The following ST6GALNAC3 variants were observed in gnomAD, a reference collection of about 807,000 sequenced individuals.
The protein encoded by ST6GALNAC3 is ST6 N-acetylgalactosaminide alpha-2,6-sialyltransferase 3.
ST6GALNAC3 carries 25 observed loss-of-function variants against 32.7 expected under a neutral mutation model. The observed-to-expected ratio is 0.76, with a 90% CI of 0.56 to 1.07. The LOEUF (loss-of-function observed/expected upper bound fraction) is 1.07. ST6GALNAC3 is among the 50% of genes least tolerant of loss of function. ST6GALNAC3 has a pLI of 0.00. For missense variants in ST6GALNAC3, 355 were observed against 382.4 expected (o/e 0.93, Z 0.60); for synonymous variants, 129 against 133.1 (o/e 0.97, Z 0.21).
intron 3 of ST6GALNAC3, among the ~76,000 whole-genome samples, chr1:76,563,531 T>C (rs1665370702): frequency 6.6e-6 from 1 of 152,232 alleles, no homozygotes; most frequent in Non-Finnish European, 1.5e-5. Context: ...AGCACCTTGA[T>C]GGCAAAGTCA....
intron 3 of ST6GALNAC3, among the ~76,000 whole-genome samples, chr1:76,507,337 GC>G (rs1256230828): frequency 1.3e-5 from 2 of 151,822 alleles, no homozygotes; most frequent in Non-Finnish European, 2.9e-5. Context: ...TAATTCAATG[GC>G]TTTTAGTATA....
At position 76,144,500 on chromosome 1, in the gene ST6GALNAC3, A is replaced by G. The variant is rs1313568987; in HGVS notation, c.18+69616A>G. On this transcript the variant is annotated intron_variant, in intron 1 of 4. Coordinates refer to ENST00000328299, the MANE Select transcript of ST6GALNAC3 (RefSeq NM_152996.4). Reference sequence around the variant, plus strand: ...GTTCACTCATTTGTTCAGTCATTCAACAAATATTTAAGTGCCTATCATGGA... The same window carrying G: ...GTTCACTCATTTGTTCAGTCATTCAGCAAATATTTAAGTGCCTATCATGGA... Among the ~76,000 whole-genome samples the G allele has an allele frequency of 2.0e-5, 3 of 152,178 alleles. No individual in the cohort carries two copies. The East Asian group carries it at 5.8e-4, about 29-fold the overall frequency.
At chr1:76,348,465 T>A (rs1251426190) in intron 2 of ST6GALNAC3, among the ~76,000 whole-genome samples, 2 of 152,288 alleles carry the variant, frequency 1.3e-5, no homozygotes, top group South Asian at 4.1e-4. Context: ...TCACTCTAAT[T>A]TAAGGTTTTC....
chr1:76,287,001 T>A (rs1430019286), intron 1 of ST6GALNAC3, among the ~76,000 whole-genome samples: 1 of 152,238 alleles, frequency 6.6e-6, no homozygotes. Context: ...TTCTTCAATC[T>A]TCTCTGAATT....
At chr1:76,101,654 G>T (rs1486257950) in intron 1 of ST6GALNAC3, among the ~76,000 whole-genome samples, 1 of 152,098 alleles carries the variant, frequency 6.6e-6, no homozygotes, top group East Asian at 1.9e-4. Context: ...TCTTGAAGTG[G>T]TTAGTAGATT....
chr1:76,138,515 G>A (rs1255956955), intron 1 of ST6GALNAC3, among the ~76,000 whole-genome samples: 2 of 152,146 alleles, frequency 1.3e-5, no homozygotes, highest in African/African-American at 2.4e-5. Flanking sequence ...CCTGACCCAT[G>A]GACCCTTGTA....
At chr1:76,102,235 TTGTGTGTG>T (rs60454163) in intron 1 of ST6GALNAC3, among the ~76,000 whole-genome samples, 38 of 147,500 alleles carry the variant, frequency 2.6e-4, no homozygotes, top group Admixed American at 1.1e-3. Flanking sequence ...CCTGGTGTGT[TTGTGTGTG>T]TGTGTGTGTG....
chr1:76,228,144 C>T (rs1006135681), intron 1 of ST6GALNAC3, among the ~76,000 whole-genome samples: 10 of 152,274 alleles, frequency 6.6e-5, no homozygotes, highest in African/African-American at 2.4e-4. Flanking sequence ...GATAAATTTT[C>T]CTATTGAAAT....
intron 3 of ST6GALNAC3, among the ~76,000 whole-genome samples, chr1:76,496,043 A>G (rs1297958207): frequency 3.3e-5 from 5 of 152,166 alleles, no homozygotes; most frequent in Non-Finnish European, 7.4e-5. Flanking sequence ...ATCACTTCCA[A>G]ATCAAAATTG....
intron 1 of ST6GALNAC3, among the ~76,000 whole-genome samples, chr1:76,131,410 C>T (rs753650151): frequency 1.7e-4 from 26 of 152,116 alleles, no homozygotes; most frequent in African/African-American, 4.1e-4. Flanking sequence ...TGAGGGAAGA[C>T]GGAAAAAGTG....
intron 3 of ST6GALNAC3, among the ~76,000 whole-genome samples, chr1:76,518,161 T>G (rs1662286606): frequency 6.6e-6 from 1 of 152,016 alleles, no homozygotes; most frequent in Non-Finnish European, 1.5e-5. Context: ...ACCTTATATT[T>G]TTGATGCATG....
rs1172980468 is a variant in ST6GALNAC3 at position 76,533,507 on chromosome 1, GTTCCCTA to G, written c.624-93942_624-93936del. 2.0e-5 allele frequency among the ~76,000 whole-genome samples: 3 copies of G among 152,080 alleles called. No homozygotes were observed. In the East Asian group the frequency reaches 5.8e-4, roughly 29 times the overall value. On this transcript the variant is annotated intron_variant, in intron 3 of 4. Coordinates refer to ENST00000328299, the MANE Select transcript of ST6GALNAC3 (RefSeq NM_152996.4). Reference sequence around the variant, plus strand: ...GCTCAGGAACCCCGCTTCAGTCCATGTTCCCTATTACTTCCACTCTGAGGCTTCTGCC... The same window carrying G: ...GCTCAGGAACCCCGCTTCAGTCCATGTTACTTCCACTCTGAGGCTTCTGCC...
Position 76,428,130 on chromosome 1 carries a change from C to T in ST6GALNAC3, c.623+15713C>T, listed in dbSNP as rs1217608986. 1.3e-5 allele frequency among the ~76,000 whole-genome samples: 2 copies of T among 152,056 alleles called. 1 individual carries two copies. The highest frequency in any genetic ancestry group is 3.9e-4 in the East Asian group (2 of 5,184). Reference sequence around the variant, plus strand: ...GCTATCCAATCACACTGCCCTTTTCCTTTGTTATAATAAATTTCTCCCACT... The same window carrying T: ...GCTATCCAATCACACTGCCCTTTTCTTTTGTTATAATAAATTTCTCCCACT... On this transcript the variant is annotated intron_variant, in intron 3 of 4. Coordinates refer to ENST00000328299, the MANE Select transcript of ST6GALNAC3 (RefSeq NM_152996.4).
chr1:76,529,741 G>A (rs1426072265), intron 3 of ST6GALNAC3, among the ~76,000 whole-genome samples: 3 of 152,144 alleles, frequency 2.0e-5, no homozygotes, highest in African/African-American at 7.2e-5. Flanking sequence ...TTGAGGGACA[G>A]CAATGAGTAT....
At chr1:76,176,661 G>A (rs1652876787) in intron 1 of ST6GALNAC3, among the ~76,000 whole-genome samples, 1 of 152,098 alleles carries the variant, frequency 6.6e-6, no homozygotes, top group African/African-American at 2.4e-5. Context: ...TACAAGCTGA[G>A]CTTAAATGAG....
intron 1 of ST6GALNAC3, among the ~76,000 whole-genome samples, chr1:76,299,732 T>A (rs534714598): frequency 9.2e-5 from 14 of 152,186 alleles, no homozygotes; most frequent in African/African-American, 3.1e-4. Flanking sequence ...ACTAACTTCA[T>A]ATATATATTT....
At chr1:76,317,440 A>G (rs1477724269) in intron 2 of ST6GALNAC3, among the ~76,000 whole-genome samples, 1 of 152,132 alleles carries the variant, frequency 6.6e-6, no homozygotes, top group East Asian at 1.9e-4. Context: ...CCACAAAACC[A>G]TGCTTCAGAG....
chr1:76,483,247 G>A (rs1659858414), intron 3 of ST6GALNAC3, among the ~76,000 whole-genome samples: 1 of 152,092 alleles, frequency 6.6e-6, no homozygotes, highest in African/African-American at 2.4e-5. Context: ...CCCAGTAATG[G>A]GATGGCTGGG....
chr1:76,491,438 A>G (rs1660493227), intron 3 of ST6GALNAC3, among the ~76,000 whole-genome samples: 1 of 151,976 alleles, frequency 6.6e-6, no homozygotes, highest in Non-Finnish European at 1.5e-5. Context: ...CTTGTTTCCT[A>G]CTTCTTCCAC....
Sources: allele counts gnomAD v4.1 joint callset (sites outside exome capture counted in the v4.1 genomes callset), GRCh38; gene constraint gnomAD v4.1.1; transcripts MANE v1.5; gene names NCBI Gene and HGNC (gene_info 2026-07-23, HGNC 2026-07-21).